The following DUSP10 variants were observed in gnomAD, a reference collection of about 807,000 sequenced individuals.
DUSP10 encodes the protein dual specificity protein phosphatase 10.
Under a neutral mutation model 30.8 loss-of-function variants are expected in DUSP10, and 14 were observed. The observed-to-expected ratio is 0.46, with a 90% CI of 0.30 to 0.71. The LOEUF (loss-of-function observed/expected upper bound fraction) is 0.71. Ranked by LOEUF, DUSP10 falls within the 30% of genes least tolerant of loss-of-function variation. The pLI is 0.08. For synonymous variants in DUSP10, 254 were observed against 250.4 expected (o/e 1.01, Z -0.14); for missense variants, 550 against 619.4 (o/e 0.89, Z 1.19).
intron 2 of DUSP10, among the ~76,000 whole-genome samples, chr1:221,734,268 A>G (rs940999006): frequency 1.3e-5 from 2 of 152,256 alleles, no homozygotes; most frequent in Admixed American, 6.5e-5. Flanking sequence ...CCTAAAACAA[A>G]TAATTCTGGA....
At chr1:221,738,308 A>G (rs1157411758) in intron 2 of DUSP10, among the ~76,000 whole-genome samples, 1 of 152,252 alleles carries the variant, frequency 6.6e-6, no homozygotes, top group Non-Finnish European at 1.5e-5. Flanking sequence ...TGTTTCATAA[A>G]AACGTCTCTG....
intron 2 of DUSP10, among the ~76,000 whole-genome samples, chr1:221,724,936 G>A (rs759971650): frequency 1.1e-4 from 16 of 152,164 alleles, no homozygotes; most frequent in East Asian, 1.9e-4. Context: ...CCCAGTGCAC[G>A]TTTTAATATG....
intron 2 of DUSP10, among the ~76,000 whole-genome samples, chr1:221,726,526 G>T (rs949602598): frequency 6.6e-6 from 1 of 152,094 alleles, no homozygotes; most frequent in Non-Finnish European, 1.5e-5. Flanking sequence ...AGAACAAAAA[G>T]AAATGTAAAA....
intron 2 of DUSP10, among the ~76,000 whole-genome samples, chr1:221,735,464 C>G (rs1302935285): frequency 6.6e-6 from 1 of 152,142 alleles, no homozygotes; most frequent in African/African-American, 2.4e-5. Flanking sequence ...TCATAGTATA[C>G]TATAAAATAT....
intron 1 of DUSP10, among the ~76,000 whole-genome samples, chr1:221,740,228 C>T (rs1661911265): frequency 6.6e-6 from 1 of 152,200 alleles, no homozygotes; most frequent in African/African-American, 2.4e-5. Flanking sequence ...ATTTAATTCC[C>T]TCACTCGCTG....
intron 2 of DUSP10, among the ~76,000 whole-genome samples, chr1:221,734,482 T>C (rs559011958): frequency 2.0e-5 from 3 of 152,354 alleles, no homozygotes; most frequent in Non-Finnish European, 4.4e-5. Context: ...TTCCTTTCAA[T>C]CAATATCAAT....
chr1:221,721,337 A>G (rs1661272794), intron 2 of DUSP10, among the ~76,000 whole-genome samples: 1 of 152,236 alleles, frequency 6.6e-6, no homozygotes, highest in African/African-American at 2.4e-5. Context: ...TAGTCCCCAA[A>G]GAGAAATCTA....
At chr1:221,730,632 A>G (rs1469445749) in intron 2 of DUSP10, among the ~76,000 whole-genome samples, 1 of 152,198 alleles carries the variant, frequency 6.6e-6, no homozygotes, top group African/African-American at 2.4e-5. Flanking sequence ...TCTGTAAGTG[A>G]TTCTCTACTT....
chr1:221,715,739 C>T (rs1222390621), intron 2 of DUSP10, among the ~76,000 whole-genome samples: 4 of 152,166 alleles, frequency 2.6e-5, no homozygotes, highest in South Asian at 2.1e-4. Flanking sequence ...AACAATTAAA[C>T]AGCTTTGTGT....
intron 2 of DUSP10, among the ~76,000 whole-genome samples, chr1:221,715,580 A>C (rs1661075151): frequency 6.6e-6 from 1 of 152,234 alleles, no homozygotes; most frequent in Non-Finnish European, 1.5e-5. Context: ...GTATTTGAAT[A>C]ACACAGGCAG....
intron 2 of DUSP10, among the ~76,000 whole-genome samples, chr1:221,714,161 GAATACTGAGGCTTACATGA>G (rs1384153284): frequency 6.6e-6 from 1 of 152,132 alleles, no homozygotes; most frequent in Non-Finnish European, 1.5e-5. Context: ...ACATAATATA[GAATACTGAGGCTTACATGA>G]AATAGACATT....
intron 2 of DUSP10, among the ~76,000 whole-genome samples, chr1:221,731,720 T>C (rs932202488): frequency 2.0e-5 from 3 of 150,224 alleles, no homozygotes; most frequent in African/African-American, 7.4e-5. Flanking sequence ...GCAATTCTCC[T>C]GCCTCAGCCT....
At chr1:221,734,322 A>G (rs1661702045) in intron 2 of DUSP10, among the ~76,000 whole-genome samples, 1 of 152,230 alleles carries the variant, frequency 6.6e-6, no homozygotes, top group Non-Finnish European at 1.5e-5. Context: ...ATGTTTTTGC[A>G]ATTACTTGGC....
intron 2 of DUSP10, among the ~76,000 whole-genome samples, chr1:221,734,013 G>A (rs1661692362): frequency 6.6e-6 from 1 of 152,136 alleles, no homozygotes; most frequent in South Asian, 2.1e-4. Context: ...TGAAAGACAG[G>A]AGCAGGCCAT....
At chr1:221,722,086 C>A (rs1263923254) in intron 2 of DUSP10, among the ~76,000 whole-genome samples, 1 of 152,188 alleles carries the variant, frequency 6.6e-6, no homozygotes, top group Non-Finnish European at 1.5e-5. Context: ...TAACTGTGCA[C>A]CTTTGGGCAA....
intron 2 of DUSP10, among the ~76,000 whole-genome samples, chr1:221,727,445 T>C (rs1171501147): frequency 6.6e-6 from 1 of 152,234 alleles, no homozygotes; most frequent in African/African-American, 2.4e-5. Context: ...TATATCCTCC[T>C]GGATAAGTAA....
At chr1:221,729,638 T>C (rs1457011056) in intron 2 of DUSP10, among the ~76,000 whole-genome samples, 2 of 152,192 alleles carry the variant, frequency 1.3e-5, no homozygotes, top group Admixed American at 1.3e-4. Context: ...CTAGAAAGCA[T>C]TCAATAGCTT....
At chr1:221,710,560 ACT>A (rs1660905516) in intron 2 of DUSP10, among the ~76,000 whole-genome samples, 1 of 152,010 alleles carries the variant, frequency 6.6e-6, no homozygotes, top group African/African-American at 2.4e-5. Context: ...TAATATAAAG[ACT>A]CTATATAAGT....
At chr1:221,737,826 TGC>T (rs113033770) in intron 2 of DUSP10, among the ~76,000 whole-genome samples, 163 of 152,328 alleles carry the variant, frequency 1.1e-3, no homozygotes, top group African/African-American at 3.6e-3. Flanking sequence ...ATAACTAACT[TGC>T]TCACCCACAT....
Sources: gnomAD v4.1 joint callset for allele counts (sites outside exome capture counted in the v4.1 genomes callset) on GRCh38, gnomAD v4.1.1 for gene constraint, MANE v1.5 for transcripts, NCBI Gene and HGNC (gene_info 2026-07-23, HGNC 2026-07-21) for gene names.